BABAM2: variants seen among roughly 807,000 people sequenced by gnomAD.
BABAM2 encodes BRISC and BRCA1-A complex member 2.
BABAM2 carries 31 observed loss-of-function variants against 54.7 expected under a neutral mutation model. The observed-to-expected ratio is 0.57, with a 90% confidence interval of 0.43 to 0.77. BABAM2 has a LOEUF of 0.77. Among genes scored for constraint, BABAM2 ranks in the 30% least tolerant of loss-of-function variants. The pLI is 0.00. For missense variants in BABAM2, 364 were observed against 455.8 expected (o/e 0.80, Z 1.83); for synonymous variants, 167 against 162.9 (o/e 1.03, Z -0.19).
At chr2:28,133,664 C>A (rs545118999) in intron 7 of BABAM2, among the ~76,000 whole-genome samples, 2 of 152,298 alleles carry the variant, frequency 1.3e-5, no homozygotes, top group East Asian at 3.9e-4. Flanking sequence ...CCCAGCTTGT[C>A]CATGCAGGAG....
chr2:28,312,559 G>C (rs1458324836), intron 11 of BABAM2, among the ~76,000 whole-genome samples: 1 of 152,128 alleles, frequency 6.6e-6, no homozygotes, highest in Non-Finnish European at 1.5e-5. Flanking sequence ...GAATTACAAA[G>C]CAGGAAGTTA....
intron 6 of BABAM2, among the ~76,000 whole-genome samples, chr2:28,118,750 A>G (rs114784270): frequency 0.014 from 2,089 of 151,958 alleles, 49 homozygotes; most frequent in African/African-American, 0.047. Flanking sequence ...TCAATTTTCA[A>G]TTTTGGCTTT....
At chr2:28,140,685 A>T (rs1670964826) in intron 7 of BABAM2, among the ~76,000 whole-genome samples, 1 of 152,170 alleles carries the variant, frequency 6.6e-6, no homozygotes, top group Non-Finnish European at 1.5e-5. Context: ...TGAAAGACAA[A>T]TACATATATA....
chr2:28,071,270 C>G (rs1338257290), intron 6 of BABAM2, among the ~76,000 whole-genome samples: 1 of 152,136 alleles, frequency 6.6e-6, no homozygotes, highest in East Asian at 1.9e-4. Context: ...GATTCCTCCT[C>G]TATTCCTTTC....
intron 10 of BABAM2, among the ~76,000 whole-genome samples, chr2:28,262,572 T>C (rs188491692): frequency 1.2e-4 from 18 of 152,058 alleles, no homozygotes; most frequent in Non-Finnish European, 2.6e-4. Flanking sequence ...ATAGGATGAT[T>C]CCCAGGTTTC....
At chr2:27,991,554 C>A (rs1474988869) in intron 4 of BABAM2, among the ~76,000 whole-genome samples, 2 of 152,150 alleles carry the variant, frequency 1.3e-5, no homozygotes, top group African/African-American at 4.8e-5. Flanking sequence ...TCCCTATATT[C>A]CCACCCTGAT....
chr2:28,094,486 CAAAG>C (rs1436340143), intron 6 of BABAM2, among the ~76,000 whole-genome samples: 4 of 151,900 alleles, frequency 2.6e-5, no homozygotes, highest in South Asian at 2.1e-4. Flanking sequence ...TTCAAATAGA[CAAAG>C]AAGCTGATGA....
chr2:28,241,640 A>C (rs1056673932), intron 9 of BABAM2, among the ~76,000 whole-genome samples: 5 of 152,058 alleles, frequency 3.3e-5, no homozygotes, highest in African/African-American at 1.2e-4. Context: ...GATTATAGGC[A>C]TGGGCCACCA....
At chr2:28,165,336 G>A (rs1673538390) in intron 7 of BABAM2, among the ~76,000 whole-genome samples, 1 of 152,078 alleles carries the variant, frequency 6.6e-6, no homozygotes. Flanking sequence ...AGGTGAGGAG[G>A]TATAAAGTAT....
At chr2:28,167,733 T>A (rs1673866148) in intron 7 of BABAM2, among the ~76,000 whole-genome samples, 1 of 134,532 alleles carries the variant, frequency 7.4e-6, no homozygotes, top group Non-Finnish European at 1.6e-5. Context: ...AATAAATAAA[T>A]AAATAACGCA....
At chr2:28,326,602 G>A (rs1480144266) in intron 11 of BABAM2, among the ~76,000 whole-genome samples, 1 of 152,178 alleles carries the variant, frequency 6.6e-6, no homozygotes, top group African/African-American at 2.4e-5. Flanking sequence ...TGATGGGCAC[G>A]GCAGTCTGAG....
At chr2:28,109,673 T>C (rs1392368768) in intron 6 of BABAM2, among the ~76,000 whole-genome samples, 4 of 152,128 alleles carry the variant, frequency 2.6e-5, no homozygotes, top group Non-Finnish European at 1.5e-5. Context: ...AAGGGGATAG[T>C]CTCGCCCATG....
chr2:28,062,729 CCTT>C (rs1367644809), intron 6 of BABAM2, among the ~76,000 whole-genome samples: 1 of 152,184 alleles, frequency 6.6e-6, no homozygotes, highest in Non-Finnish European at 1.5e-5. Flanking sequence ...TGAAATCAAT[CCTT>C]CTTATAAGCT....
chr2:28,217,225 G>T (rs1461152382), intron 7 of BABAM2, among the ~76,000 whole-genome samples: 1 of 152,156 alleles, frequency 6.6e-6, no homozygotes, highest in African/African-American at 2.4e-5. Context: ...TTTGTTGAAT[G>T]AATGAGTCAT....
At chr2:28,120,524 G>C (rs1668980898) in intron 6 of BABAM2, among the ~76,000 whole-genome samples, 1 of 152,142 alleles carries the variant, frequency 6.6e-6, no homozygotes, top group Non-Finnish European at 1.5e-5. Flanking sequence ...ATCTCTCTGA[G>C]CCTCAGTTTC....
chr2:28,306,117 G>A (rs557292245), intron 11 of BABAM2, among the ~76,000 whole-genome samples: 3 of 152,276 alleles, frequency 2.0e-5, no homozygotes, highest in African/African-American at 7.2e-5. Flanking sequence ...TTTGGAATTT[G>A]TTGAGAATTG....
At chr2:28,133,363 T>C (rs6728043) in intron 7 of BABAM2, among the ~76,000 whole-genome samples, 2,040 of 152,288 alleles carry the variant, frequency 0.013, 42 homozygotes, top group African/African-American at 0.046. Flanking sequence ...GGAGAGTTCT[T>C]TCAGGAGTCA....
At position 28,045,781 on chromosome 2, in the gene BABAM2, C is replaced by A. The variant is rs780891091; in HGVS notation, c.552C>A (p.Ile184=). The A allele has an allele frequency of 3.7e-5, 60 of 1,608,250 alleles. No homozygotes were observed. In the Middle Eastern group the frequency reaches 8.3e-4, roughly 22 times the overall value. Residue 184 remains isoleucine, a synonymous_variant, in exon 6 of 12, where the codon ATC becomes ATA. Transcript: ENST00000379624. The part of the protein sequence containing the change: ...LLKLPVDFSN[I]PTYLLKDVNE... The stretch of plus-strand genomic sequence containing the variant: ...AGCTGCCCGTAGATTTCAGCAATAT[C>A]CCCACATACCTTCTCAAGGTAAAAA...
At chr2:28,134,490 C>T (rs895586507) in intron 7 of BABAM2, 3 of 152,270 alleles carry the variant, frequency 2.0e-5, no homozygotes, top group Admixed American at 1.3e-4. Flanking sequence ...GCTTGAGCCA[C>T]TTTGTGGGAG....
Sources: gnomAD v4.1 joint callset for allele counts (sites outside exome capture counted in the v4.1 genomes callset) on GRCh38, gnomAD v4.1.1 for gene constraint, MANE v1.5 for transcripts, NCBI Gene and HGNC (gene_info 2026-07-23, HGNC 2026-07-21) for gene names.